TAOK1: variants seen among roughly 807,000 people sequenced by gnomAD.
TAOK1 encodes serine/threonine-protein kinase TAO1.
In TAOK1, 21 loss-of-function variants were observed where a neutral mutation model predicts 138.3. The observed-to-expected ratio is 0.15, with a 90% CI of 0.11 to 0.22. TAOK1 has a LOEUF of 0.22. Ranked by LOEUF, TAOK1 falls within the 10% of genes least tolerant of loss-of-function variation. The pLI is 1.00. For missense variants in TAOK1, 651 were observed against 1,227.7 expected (o/e 0.53, Z 7.02); for synonymous variants, 361 against 398.4 (o/e 0.91, Z 1.12).
chr17:29,432,410 G>A (rs554768129), intron 1 of TAOK1, among the ~76,000 whole-genome samples: 39 of 152,322 alleles, frequency 2.6e-4, no homozygotes, highest in African/African-American at 8.4e-4. Flanking sequence ...CACAACCTTC[G>A]GCGTGGGCAT....
Position 29,495,715 on chromosome 17 carries a change from G to A in TAOK1, c.987G>A (p.Gln329=). 1 of 1,602,074 alleles carries A rather than the reference G, an allele frequency of 6.2e-7. No homozygotes were observed. Among genetic ancestry groups the A allele is most frequent in the Non-Finnish European group, 8.5e-7 (1 of 1,173,700 alleles). The change falls in exon 11 of 20, where the codon CAG becomes CAA. Residue 329 remains glutamine (Q), a synonymous_variant. Transcript: ENST00000261716. ...EAHNGPAVEA[Q]EEEEEQDHGV... is the part of the protein sequence containing the mutation. ...ATAATGGACCAGCAGTAGAAGCACA[G>A]GAAGAAGAAGAGGTAAGAGATAAAA...
intron 1 of TAOK1, among the ~76,000 whole-genome samples, chr17:29,434,542 C>T (rs924147671): frequency 3.3e-5 from 5 of 151,728 alleles, no homozygotes; most frequent in African/African-American, 1.2e-4. Context: ...GTTCTGGCGA[C>T]CTTGGCAGGT....
intron 1 of TAOK1, among the ~76,000 whole-genome samples, chr17:29,392,670 CAT>C (rs1359169838): frequency 3.3e-5 from 5 of 152,086 alleles, no homozygotes; most frequent in African/African-American, 7.2e-5. Flanking sequence ...AAATATTCCA[CAT>C]ATGACTATTA....
intron 19 of TAOK1, among the ~76,000 whole-genome samples, chr17:29,538,579 G>A (rs78348928): frequency 8.6e-4 from 131 of 152,248 alleles, no homozygotes; most frequent in African/African-American, 3.1e-3. Flanking sequence ...TATGCTTGCC[G>A]GTTGTACATA....
chr17:29,542,953 G>A lies in TAOK1; in HGVS notation c.2937G>A (p.Glu979=). 6.2e-7 allele frequency: 1 copy of A among 1,613,174 alleles called. No homozygotes were observed. Among genetic ancestry groups the A allele is most frequent in the Non-Finnish European group, 8.5e-7 (1 of 1,179,768 alleles). The change falls in exon 20 of 20, where the codon GAG becomes GAA. Residue 979 remains glutamate, a synonymous_variant. Transcript: ENST00000261716. ...LRRTASGGRT[E]QGMSRSTSVT... ...GGACAGCTTCTGGGGGACGGACGGAGCAGGGCATGAGCAGAAGCACGAGTG... is the reference window on the plus strand; with the variant it reads ...GGACAGCTTCTGGGGGACGGACGGAACAGGGCATGAGCAGAAGCACGAGTG...
intron 3 of TAOK1, among the ~76,000 whole-genome samples, chr17:29,473,628 A>G (rs963772844): frequency 3.0e-4 from 45 of 151,290 alleles, no homozygotes; most frequent in African/African-American, 1.1e-3. Flanking sequence ...TGCGTAATGT[A>G]GCCACCTTCA....
At chr17:29,462,741 A>G (rs1297772112) in intron 2 of TAOK1, among the ~76,000 whole-genome samples, 1 of 152,254 alleles carries the variant, frequency 6.6e-6, no homozygotes, top group Non-Finnish European at 1.5e-5. Context: ...ATTTATTAAA[A>G]TAGATCCCAA....
chr17:29,469,698 A>T (rs1020253146), intron 3 of TAOK1, among the ~76,000 whole-genome samples: 2 of 152,190 alleles, frequency 1.3e-5, no homozygotes, highest in African/African-American at 4.8e-5. Flanking sequence ...ATATGTATCT[A>T]TATCTGTCTG....
At chr17:29,528,048 G>A (rs2032040535) in intron 17 of TAOK1, among the ~76,000 whole-genome samples, 1 of 151,398 alleles carries the variant, frequency 6.6e-6, no homozygotes, top group Non-Finnish European at 1.5e-5. Flanking sequence ...TGTTTGTTTT[G>A]TGTGTGTGTG....
intron 3 of TAOK1, among the ~76,000 whole-genome samples, chr17:29,471,958 T>C (rs984950933): frequency 6.6e-6 from 1 of 152,224 alleles, no homozygotes; most frequent in Non-Finnish European, 1.5e-5. Context: ...TCAAGTTTTA[T>C]CATGAAATTG....
intron 3 of TAOK1, among the ~76,000 whole-genome samples, chr17:29,469,676 AT>A (rs1410440262): frequency 6.6e-6 from 1 of 152,184 alleles, no homozygotes; most frequent in African/African-American, 2.4e-5. Flanking sequence ...CATTGGGTGT[AT>A]GTATATCTAC....
At chr17:29,421,680 C>G (rs1377822104) in intron 1 of TAOK1, among the ~76,000 whole-genome samples, 1 of 151,324 alleles carries the variant, frequency 6.6e-6, no homozygotes, top group Non-Finnish European at 1.5e-5. Context: ...CCCACAGAAG[C>G]CTTGACCTCC....
At chr17:29,397,698 T>C (rs1306688319) in intron 1 of TAOK1, among the ~76,000 whole-genome samples, 3 of 91,864 alleles carry the variant, frequency 3.3e-5, no homozygotes, top group Non-Finnish European at 6.6e-5. Flanking sequence ...TATATTCATG[T>C]ATGCATACAT....
chr17:29,444,114 G>GA (rs569046653), intron 1 of TAOK1, among the ~76,000 whole-genome samples: 57,788 of 145,888 alleles, frequency 0.4, 11,885 homozygotes, highest in East Asian at 0.88. Flanking sequence ...GACTGTCTCA[G>GA]AAAAAAAAAA....
At chr17:29,394,152 T>TG in intron 1 of TAOK1, among the ~76,000 whole-genome samples, 1 of 40,146 alleles carries the variant, frequency 2.5e-5, no homozygotes, top group Non-Finnish European at 4.3e-5. Flanking sequence ...ATTTGCCAGT[T>TG]TTTTTTTTTT....
chr17:29,427,453 A>G (rs202241705), intron 1 of TAOK1, among the ~76,000 whole-genome samples: 3 of 149,592 alleles, frequency 2.0e-5, no homozygotes, highest in Admixed American at 6.7e-5. Context: ...ACAATTAGCC[A>G]GGTGTGGTGG....
intron 1 of TAOK1, among the ~76,000 whole-genome samples, chr17:29,411,138 C>T (rs1905133800): frequency 7.9e-6 from 1 of 125,968 alleles, no homozygotes; most frequent in Non-Finnish European, 1.6e-5. Flanking sequence ...GTCGCCCAGG[C>T]TGGAGTGCAG....
In TAOK1 at chr17:29,446,689, C is replaced by T. The variant is rs1292402889; in HGVS notation, c.-94-4766C>T. On this transcript the variant is annotated intron_variant, in intron 1 of 19. Transcript: ENST00000261716. ...GATGTTTTCAGTCAACAGTGGACCACGTACAACCATGCTCCCATAAGATTA... is the reference window on the plus strand; with the variant it reads ...GATGTTTTCAGTCAACAGTGGACCATGTACAACCATGCTCCCATAAGATTA... Among the ~76,000 whole-genome samples, 7 of 151,968 alleles carry T rather than the reference C, an allele frequency of 4.6e-5. No individual in the cohort carries two copies. The South Asian group carries it at 1.0e-3, about 23-fold the overall frequency.
At chr17:29,482,904 C>T (rs898193416) in intron 8 of TAOK1, among the ~76,000 whole-genome samples, 2 of 151,934 alleles carry the variant, frequency 1.3e-5, no homozygotes, top group Admixed American at 6.6e-5. Flanking sequence ...TTAAGTTGTT[C>T]ATAAATAGAA....
Sources: gnomAD v4.1 joint callset for allele counts (sites outside exome capture counted in the v4.1 genomes callset) on GRCh38, gnomAD v4.1.1 for gene constraint, MANE v1.5 for transcripts, NCBI Gene and HGNC (gene_info 2026-07-23, HGNC 2026-07-21) for gene names.